The following BANP variants were observed in gnomAD, a reference collection of about 807,000 sequenced individuals.
BANP encodes protein BANP.
Under a neutral mutation model 68.1 loss-of-function variants are expected in BANP, and 11 were observed. That is an observed-to-expected ratio of 0.16 (90% CI 0.10 to 0.27). The LOEUF is 0.27. Ranked by LOEUF, BANP falls within the 10% of genes least tolerant of loss-of-function variation. The probability of loss-of-function intolerance (pLI) is 1.00; values close to 1 mark genes in which losing one functional copy is unlikely to be tolerated. For missense variants in BANP, 504 were observed against 722.7 expected, an observed-to-expected ratio of 0.70 and a Z score of 3.47; for synonymous variants, 329 against 303.2, an observed-to-expected ratio of 1.09 and a Z score of -0.88.
chr16:88,018,118 C>T lies in BANP; in HGVS notation c.656-310C>T. On this transcript the variant is annotated intron_variant, in intron 6 of 13. Transcript: ENST00000682872. The surrounding 1 kb of genome is among the most constrained non-coding windows in gnomAD (Gnocchi z 7.7). Reference sequence around the variant, plus strand: ...ACTGTGTGCAAGGATATCGGTATTGCTGGGGTCCCGGGTCCAGGGTGAGCA... The same window carrying T: ...ACTGTGTGCAAGGATATCGGTATTGTTGGGGTCCCGGGTCCAGGGTGAGCA... 6.6e-6 allele frequency among the ~76,000 whole-genome samples: 1 copy of T among 151,998 alleles called. No homozygotes were observed. The highest frequency in any genetic ancestry group is 1.5e-5 in the Non-Finnish European group (1 of 67,990).
intron 11 of BANP, among the ~76,000 whole-genome samples, chr16:88,062,191 G>A (rs1305109898): frequency 6.6e-6 from 1 of 152,178 alleles, no homozygotes; most frequent in African/African-American, 2.4e-5. Context: ...TTAAAGGCAT[G>A]GGGGGTGGGG....
chr16:87,982,637 A>G (rs1177328934), intron 3 of BANP: 1 of 152,158 alleles, frequency 6.6e-6, no homozygotes, highest in Non-Finnish European at 1.5e-5. Context: ...ACGCGCCTTC[A>G]ACAGAGAGTA....
At chr16:88,063,336 G>A (rs2087452649) in intron 11 of BANP, among the ~76,000 whole-genome samples, 1 of 152,258 alleles carries the variant, frequency 6.6e-6, no homozygotes, top group Non-Finnish European at 1.5e-5. Context: ...CCCAGAAGGA[G>A]GAGTTGTGTT....
chr16:88,022,212 G>A (rs1392226085), intron 7 of BANP, among the ~76,000 whole-genome samples: 2 of 152,330 alleles, frequency 1.3e-5, no homozygotes, highest in South Asian at 2.1e-4. Context: ...AATTGGTTTA[G>A]TTCTTAGGAT....
At chr16:88,073,684 C>T (rs4072779) in intron 13 of BANP, among the ~76,000 whole-genome samples, 33,022 of 152,024 alleles carry the variant, frequency 0.22, 3,736 homozygotes, top group South Asian at 0.28. Flanking sequence ...TGGCAGCCCC[C>T]CGTGCCGTTC....
chr16:87,973,650 T>C (rs1291713593), intron 1 of BANP, among the ~76,000 whole-genome samples: 9 of 148,946 alleles, frequency 6.0e-5, no homozygotes, highest in Admixed American at 5.5e-4. Context: ...TCCCAGCTAC[T>C]CAGGAAGCTG....
chr16:87,980,893 A>G, intron 2 of BANP, 143 bp from the exon 3 acceptor site: 1 of 626,384 alleles, frequency 1.6e-6, no homozygotes, highest in Non-Finnish European at 2.8e-6. Flanking sequence ...ACTGAGAATA[A>G]GTTTAAAAAG....
At chr16:88,006,725 G>C (rs1189570094) in intron 6 of BANP, among the ~76,000 whole-genome samples, 1 of 151,610 alleles carries the variant, frequency 6.6e-6, no homozygotes, top group African/African-American at 2.4e-5. Flanking sequence ...AGGCTGAGGC[G>C]GGTGGATCAT....
At chr16:87,997,826 T>C (rs530376242) in intron 4 of BANP, among the ~76,000 whole-genome samples, 1 of 152,374 alleles carries the variant, frequency 6.6e-6, no homozygotes, top group South Asian at 2.1e-4. Context: ...ATCAGGACTG[T>C]TACTTCCTGG....
intron 11 of BANP, among the ~76,000 whole-genome samples, chr16:88,053,030 TAACA>T (rs1046203066): frequency 2.7e-5 from 4 of 148,168 alleles, no homozygotes; most frequent in Non-Finnish European, 6.0e-5. Flanking sequence ...ACAGTCACCC[TAACA>T]AACACTACCA....
chr16:88,068,633 G>A (rs1218214482), intron 12 of BANP, among the ~76,000 whole-genome samples: 1 of 152,156 alleles, frequency 6.6e-6, no homozygotes, highest in East Asian at 1.9e-4. Flanking sequence ...CCTCCAGTGG[G>A]CGCCAGCTCG....
intron 4 of BANP, among the ~76,000 whole-genome samples, chr16:87,999,387 C>T (rs561493173): frequency 1.4e-5 from 2 of 137,974 alleles, no homozygotes; most frequent in African/African-American, 2.7e-5. Flanking sequence ...CATGCACGCA[C>T]GTGCGCGGCT....
At chr16:87,949,883 T>G (rs549997046), upstream of BANP, 3 of 151,462 alleles carry the variant, frequency 2.0e-5, no homozygotes, top group African/African-American at 7.3e-5. Flanking sequence ...TTCTTTTTTT[T>G]TTTTTTTTTC....
chr16:87,970,966 G>A (rs375594076), intron 1 of BANP, among the ~76,000 whole-genome samples: 10 of 150,280 alleles, frequency 6.7e-5, no homozygotes, highest in African/African-American at 2.2e-4. Flanking sequence ...TCAGTGAGCC[G>A]AGATCCTGCC....
intron 1 of BANP, among the ~76,000 whole-genome samples, chr16:87,960,215 C>G (rs1035445570): frequency 2.0e-5 from 3 of 152,186 alleles, no homozygotes; most frequent in African/African-American, 7.2e-5. Context: ...GAAACACTGG[C>G]CGTGGCAGGT....
chr16:88,067,979 C>A (rs373655207), intron 12 of BANP, among the ~76,000 whole-genome samples: 1 of 152,270 alleles, frequency 6.6e-6, no homozygotes, highest in African/African-American at 2.4e-5. Context: ...GCCCTCCCCC[C>A]ACTGTCTGCC....
At chr16:88,034,080 T>C (rs1567821800) in intron 9 of BANP, among the ~76,000 whole-genome samples, 1 of 152,102 alleles carries the variant, frequency 6.6e-6, no homozygotes, top group Non-Finnish European at 1.5e-5. Flanking sequence ...CTATTGAGAG[T>C]GGGGCGTGGC....
At chr16:88,073,108 C>T (rs966360829) in intron 13 of BANP, among the ~76,000 whole-genome samples, 6 of 152,226 alleles carry the variant, frequency 3.9e-5, no homozygotes, top group South Asian at 4.1e-4. Context: ...GGCAGGTGTG[C>T]CCCTCAGCCC....
At chr16:87,960,479 T>G (rs914346810) in intron 1 of BANP, among the ~76,000 whole-genome samples, 13 of 152,218 alleles carry the variant, frequency 8.5e-5, no homozygotes, top group Admixed American at 7.9e-4. Flanking sequence ...AAAGACATAC[T>G]TATTTGCAAA....
Sources: gnomAD v4.1 joint callset for allele counts (sites outside exome capture counted in the v4.1 genomes callset) on GRCh38, gnomAD v4.1.1 for gene constraint, Gnocchi (gnomAD v3.1) non-coding constraint, MANE v1.5 for transcripts, NCBI Gene and HGNC (gene_info 2026-07-23, HGNC 2026-07-21) for gene names.